Variants in ST14 observed in about 807,000 individuals in gnomAD.
ST14 encodes ST14 transmembrane serine protease matriptase, also known as suppressor of tumorigenicity 14 protein.
A neutral mutation model predicts 96.5 loss-of-function variants in ST14; 40 were observed. The observed-to-expected ratio is 0.41, with a 90% confidence interval of 0.32 to 0.54. The LOEUF is 0.54. ST14 is among the 20% of genes least tolerant of loss of function. The probability of loss-of-function intolerance (pLI) is 0.17; values close to 1 mark genes in which losing one functional copy is unlikely to be tolerated. For missense variants in ST14, 1,066 were observed against 1,188.9 expected, an observed-to-expected ratio of 0.90 and a Z score of 1.52; for synonymous variants, 506 against 492.1, an observed-to-expected ratio of 1.03 and a Z score of -0.37.
intron 12 of ST14, 95 bp downstream of exon 12, chr11:130,198,040 C>A (rs553048313): frequency 1.5e-6 from 2 of 1,334,984 alleles, no homozygotes; most frequent in South Asian, 2.5e-5. Flanking sequence ...GCAGAAAGGC[C>A]GGAGGTGGTG....
In ST14 at chr11:130,196,714, G is replaced by A. The variant is rs1180518372; in HGVS notation, c.1354+14G>A. The A allele has an allele frequency of 6.2e-7, 1 of 1,614,096 alleles. No homozygotes were observed. Among genetic ancestry groups the A allele is most frequent in the Non-Finnish European group, 8.5e-7 (1 of 1,180,042 alleles). ...ACTCCAGTGACCGTGAGTGAACATT[G>A]TTGGGAGGAGGGCTGGCGGGGGCCT... is the stretch of plus-strand genomic sequence containing the variant. On this transcript the variant is annotated intron_variant, in intron 11 of 18. Transcript: ENST00000278742.
intron 7 of ST14, 81 bp from the exon 8 acceptor site, chr11:130,194,068 T>G: frequency 6.3e-7 from 1 of 1,586,768 alleles, no homozygotes. Context: ...CTCAGGCACC[T>G]CTGCCTGAGA....
intron 1 of ST14, among the ~76,000 whole-genome samples, chr11:130,186,444 C>T (rs899538042): frequency 7.9e-5 from 12 of 152,108 alleles, no homozygotes; most frequent in African/African-American, 1.4e-4. Context: ...AAAGGACAGG[C>T]GGCTCCAGGA....
chr11:130,188,642 C>A lies in ST14; in HGVS notation c.354C>A (p.Ser118Arg), dbSNP rs770931017. The change falls in exon 3 of 19, where the codon AGC becomes AGA. Residue 118 changes from serine (S) to arginine (R), a missense_variant. Ser to Arg is a moderately radical substitution (Grantham distance 110, BLOSUM62 -1). Coordinates refer to ENST00000278742, the MANE Select transcript of ST14 (RefSeq NM_021978.4). The surrounding 1 kb of genome is among the most constrained non-coding windows in gnomAD (Gnocchi z 5.4). ...CCACTGAGTTTGTAAGCCTGGCCAG[C>A]AAGGTGAAGGACGCGGTGAGTGCAG... ...SNSTEFVSLASKVKDALKLLY... is the reference protein window; with the variant it reads ...SNSTEFVSLARKVKDALKLLY... 10 of 1,614,216 alleles carry A rather than the reference C, an allele frequency of 6.2e-6. 1 individual carries two copies. The South Asian group carries it at 9.9e-5, about 16-fold the overall frequency.
At chr11:130,191,603 T>C (rs906515511) in intron 7 of ST14, among the ~76,000 whole-genome samples, 4 of 144,348 alleles carry the variant, frequency 2.8e-5, no homozygotes, top group African/African-American at 7.9e-5. Flanking sequence ...GGCGGGAGAA[T>C]CACTTGAACC....
At chr11:130,199,378 T>C (rs1487800666) in intron 15 of ST14, among the ~76,000 whole-genome samples, 1 of 152,162 alleles carries the variant, frequency 6.6e-6, no homozygotes, top group Non-Finnish European at 1.5e-5. Flanking sequence ...AGCAGTAGCC[T>C]GGAGAAGAGC....
At chr11:130,199,599 C>G (rs1953406333) in intron 15 of ST14, among the ~76,000 whole-genome samples, 2 of 152,180 alleles carry the variant, frequency 1.3e-5, no homozygotes, top group South Asian at 4.1e-4. Context: ...CCATGCTGCC[C>G]CCTCCCCTGT....
At chr11:130,169,864 C>A (rs1055612231) in intron 1 of ST14, among the ~76,000 whole-genome samples, 8 of 152,188 alleles carry the variant, frequency 5.3e-5, no homozygotes, top group Admixed American at 3.9e-4. Context: ...TAGGTGCTGG[C>A]TGCACCTCTT....
rs957846619 is a variant in ST14 at position 130,190,151 on chromosome 11, A to G, written c.634+3A>G. The G allele has an allele frequency of 3.7e-6, 6 of 1,614,046 alleles. No individual in the cohort carries two copies. In the African/African-American group the frequency reaches 8.0e-5, roughly 22 times the overall value. ...AACAGTACAGAGGACCCAGGACAGT[A>G]AGTATCGTGCCCGCCTCCTCTTCTG... On this transcript the variant is annotated splice_donor_region_variant and intron_variant, in intron 6 of 18. Transcript: ENST00000278742.
At chr11:130,160,091 G>A in intron 1 of ST14, 31 bp downstream of exon 1, 1 of 1,383,490 alleles carries the variant, frequency 7.2e-7, no homozygotes, top group South Asian at 1.6e-5. Context: ...CGGGGCGCTG[G>A]GAAGCTCCTG....
At chr11:130,175,204 C>T (rs552910946) in intron 1 of ST14, among the ~76,000 whole-genome samples, 23 of 152,194 alleles carry the variant, frequency 1.5e-4, no homozygotes, top group Admixed American at 7.2e-4. Flanking sequence ...TTTTCAAGTC[C>T]GTCTCCAGAT....
chr11:130,200,283 T>G (rs1376185602), intron 16 of ST14, 146 bp downstream of exon 16: 1 of 903,736 alleles, frequency 1.1e-6, no homozygotes, highest in East Asian at 2.7e-5. Context: ...AAGAAATACC[T>G]GAGACTGGGT....
At chr11:130,183,114 G>A (rs771722921) in intron 1 of ST14, among the ~76,000 whole-genome samples, 92 of 151,440 alleles carry the variant, frequency 6.1e-4, no homozygotes, top group Non-Finnish European at 7.2e-4. Flanking sequence ...CCACGACCAC[G>A]CCTGGCTAAT....
chr11:130,172,343 C>T (rs1398922002), intron 1 of ST14, among the ~76,000 whole-genome samples: 1 of 150,870 alleles, frequency 6.6e-6, no homozygotes, highest in African/African-American at 2.4e-5. Context: ...AGGGCTCAAG[C>T]AATCCTCCCA....
Position 130,188,254 on chromosome 11 carries a change from C to T in ST14, c.222C>T (p.Phe74=). The change falls in exon 2 of 19, where the codon TTC becomes TTT. Residue 74 remains phenylalanine (F), a synonymous_variant. Coordinates refer to ENST00000278742, the MANE Select transcript of ST14 (RefSeq NM_021978.4). This position sits in a 1 kb window ranked among gnomAD's most constrained non-coding sequence, Gnocchi z 5.4. ...GLLLVLLGIG[F]LVWHLQYRDV... Reference sequence around the variant, plus strand: ...TCTTGGTCTTGCTGGGGATCGGCTTCCTGGTGTGGCATTTGCAGTGTGAGT... The same window carrying T: ...TCTTGGTCTTGCTGGGGATCGGCTTTCTGGTGTGGCATTTGCAGTGTGAGT... 1.2e-6 allele frequency: 2 copies of T among 1,613,808 alleles called. No individual in the cohort carries two copies. Among genetic ancestry groups the T allele is most frequent in the African/African-American group, 1.3e-5 (1 of 75,050 alleles).
At position 130,160,016 on chromosome 11, in the gene ST14, C is replaced by T; in HGVS notation, c.37C>T (p.Pro13Ser). ...SDRARKGGGG[P>S]KDFGAGLKYN... ...TCGGGCCCGCAAGGGCGGAGGGGGC[C>T]CGAAGGACTTCGGCGCGGGACTCAA... The change falls in exon 1 of 19, where the codon CCG (proline) becomes TCG (serine). Residue 13 changes from proline (P) to serine (S), a missense_variant. Transcript: ENST00000278742. The T allele has an allele frequency of 7.0e-7, 1 of 1,429,242 alleles. No homozygotes were observed. The allele number at this position is 1,429,242 out of a possible 1,614,324, so 88.5% of individuals were successfully genotyped here. A position where few individuals can be genotyped will look rare whatever the true frequency, so the allele number is the denominator to read the frequency against.
intron 5 of ST14, 71 bp from the exon 6 acceptor site, chr11:130,190,042 G>C: frequency 6.2e-7 from 1 of 1,612,540 alleles, no homozygotes; most frequent in African/African-American, 1.3e-5. Context: ...CCTCCCTTTA[G>C]ATAATAAGGA....
intron 17 of ST14, 30 bp from the exon 18 acceptor site, chr11:130,209,412 G>A: frequency 6.4e-7 from 1 of 1,565,758 alleles, no homozygotes. Context: ...AAGCAGCCCG[G>A]CTCTCAGCCC....
Position 130,167,121 on chromosome 11 carries a change from G to A in ST14, c.81+7061G>A, listed in dbSNP as rs191397281. On this transcript the variant is annotated intron_variant, in intron 1 of 18. Coordinates refer to ENST00000278742, the MANE Select transcript of ST14 (RefSeq NM_021978.4). ...AGCTACTCAGGAGACTGAGAGAGGA[G>A]AATCACTTGAACCTGGGAGGTGGAG... 6.4e-3 allele frequency among the ~76,000 whole-genome samples: 980 copies of A among 152,312 alleles called. 15 individuals are homozygous for A. Among genetic ancestry groups the A allele is most frequent in the Non-Finnish European group, 9.2e-3 (628 of 68,028 alleles).
Sources: allele counts gnomAD v4.1 joint callset (sites outside exome capture counted in the v4.1 genomes callset), GRCh38; gene constraint gnomAD v4.1.1; non-coding constraint Gnocchi (gnomAD v3.1); transcripts MANE v1.5; gene names NCBI Gene and HGNC (gene_info 2026-07-23, HGNC 2026-07-21).